Variants in CCSER1 observed in about 807,000 individuals in gnomAD.
CCSER1 encodes coiled-coil serine rich protein 1.
In CCSER1, 41 loss-of-function variants were observed where a neutral mutation model predicts 82.0. The ratio of observed to expected loss-of-function variants is 0.50; its 90% CI spans 0.39 to 0.65. The LOEUF (loss-of-function observed/expected upper bound fraction) is 0.65. Among genes scored for constraint, CCSER1 ranks in the 30% least tolerant of loss-of-function variants. The probability of loss-of-function intolerance (pLI) is 0.00; values close to 1 mark genes in which losing one functional copy is unlikely to be tolerated. For synonymous variants in CCSER1, 414 were observed against 383.9 expected, an observed-to-expected ratio of 1.08 and a Z score of -0.92; for missense variants, 1,119 against 1,064.2, an observed-to-expected ratio of 1.05 and a Z score of -0.72.
At chr4:91,500,790 T>C (rs548553764) in intron 10 of CCSER1, among the ~76,000 whole-genome samples, 1 of 152,106 alleles carries the variant, frequency 6.6e-6, no homozygotes, top group South Asian at 2.1e-4. Flanking sequence ...AAAAGCTTTT[T>C]GGGAAACAGG....
chr4:90,990,553 T>A (rs964798015), intron 9 of CCSER1, among the ~76,000 whole-genome samples: 15 of 151,910 alleles, frequency 9.9e-5, no homozygotes, highest in Non-Finnish European at 1.5e-5. Context: ...CAGTGAATAT[T>A]TGTCAGGGAG....
intron 8 of CCSER1, among the ~76,000 whole-genome samples, chr4:90,887,933 A>G (rs895833229): frequency 6.6e-6 from 1 of 151,234 alleles, no homozygotes; most frequent in African/African-American, 2.4e-5. Flanking sequence ...AGAAATCAAC[A>G]ATGACAGAGA....
chr4:90,550,343 A>G (rs1256507367), intron 5 of CCSER1, among the ~76,000 whole-genome samples: 1 of 152,130 alleles, frequency 6.6e-6, no homozygotes, highest in African/African-American at 2.4e-5. Flanking sequence ...AAAATAAATA[A>G]CTTAGGTACT....
At chr4:90,590,102 T>C (rs1782513775) in intron 5 of CCSER1, among the ~76,000 whole-genome samples, 1 of 151,440 alleles carries the variant, frequency 6.6e-6, no homozygotes, top group African/African-American at 2.4e-5. Flanking sequence ...GGAGAAACCC[T>C]GTCTCTACCA....
chr4:90,828,336 A>G (rs185526023), intron 8 of CCSER1, among the ~76,000 whole-genome samples: 5 of 152,324 alleles, frequency 3.3e-5, no homozygotes, highest in African/African-American at 9.6e-5. Flanking sequence ...TGAATGCAAT[A>G]TCTACATACT....
chr4:90,949,374 G>T (rs774942045), intron 9 of CCSER1, among the ~76,000 whole-genome samples: 1 of 151,962 alleles, frequency 6.6e-6, no homozygotes, highest in Admixed American at 6.6e-5. Context: ...TACCTAACTT[G>T]CAAGAATATT....
intron 10 of CCSER1, among the ~76,000 whole-genome samples, chr4:91,307,058 A>T (rs896612709): frequency 1.3e-5 from 2 of 151,970 alleles, no homozygotes; most frequent in Admixed American, 1.3e-4. Flanking sequence ...GTTTTATAAG[A>T]TATCAAAATT....
chr4:91,188,701 T>C (rs1312130646), intron 10 of CCSER1, among the ~76,000 whole-genome samples: 2 of 152,188 alleles, frequency 1.3e-5, no homozygotes, highest in African/African-American at 2.4e-5. Flanking sequence ...GGAAATACTC[T>C]AAAAATATTA....
chr4:91,087,812 G>A (rs1319747034), intron 10 of CCSER1, among the ~76,000 whole-genome samples: 1 of 151,990 alleles, frequency 6.6e-6, no homozygotes, highest in Non-Finnish European at 1.5e-5. Context: ...GGCAGCACTG[G>A]GTTACTTAAG....
intron 1 of CCSER1, among the ~76,000 whole-genome samples, chr4:90,296,034 A>G (rs547400643): frequency 1.1e-4 from 17 of 152,070 alleles, no homozygotes; most frequent in Non-Finnish European, 2.2e-4. Flanking sequence ...TTACTAATAA[A>G]CATATATTTT....
intron 5 of CCSER1, among the ~76,000 whole-genome samples, chr4:90,486,817 CA>C (rs1447854519): frequency 1.3e-5 from 2 of 152,158 alleles, no homozygotes; most frequent in Admixed American, 6.5e-5. Context: ...TGGAAGACTG[CA>C]TGTATTGAAG....
intron 6 of CCSER1, among the ~76,000 whole-genome samples, chr4:90,651,792 A>C (rs1728801599): frequency 6.6e-6 from 1 of 152,134 alleles, no homozygotes; most frequent in African/African-American, 2.4e-5. Flanking sequence ...TTCCAAGACA[A>C]GTTTTGGCAG....
At chr4:91,498,188 C>G (rs1759026786) in intron 10 of CCSER1, among the ~76,000 whole-genome samples, 1 of 151,946 alleles carries the variant, frequency 6.6e-6, no homozygotes, top group African/African-American at 2.4e-5. Context: ...AAATCCATTT[C>G]TGCTGCAAAA....
chr4:91,442,300 C>T lies in CCSER1; in HGVS notation c.2218-156272C>T, dbSNP rs377016804. On this transcript the variant is annotated intron_variant, in intron 10 of 10. Transcript: ENST00000509176. Reference sequence around the variant, plus strand: ...TATAGATCAATGGAACAGAACAGAGCCCTCAGAAATAATGCCGCATATCTA... The same window carrying T: ...TATAGATCAATGGAACAGAACAGAGTCCTCAGAAATAATGCCGCATATCTA... 2.1e-3 allele frequency among the ~76,000 whole-genome samples: 317 copies of T among 152,102 alleles called. 8 individuals carry two copies. In the East Asian group the frequency reaches 0.04, roughly 19 times the overall value.
chr4:90,536,614 G>A (rs1468933866), intron 5 of CCSER1, among the ~76,000 whole-genome samples: 1 of 152,182 alleles, frequency 6.6e-6, no homozygotes, highest in African/African-American at 2.4e-5. Context: ...TCTAAATGAG[G>A]AGAAAGCTAT....
At chr4:91,283,553 A>G (rs571560838) in intron 10 of CCSER1, among the ~76,000 whole-genome samples, 2 of 152,090 alleles carry the variant, frequency 1.3e-5, no homozygotes, top group South Asian at 2.1e-4. Flanking sequence ...GTCAAATTTA[A>G]ATGTTCCCAT....
chr4:91,000,686 C>T (rs565065919), intron 9 of CCSER1, among the ~76,000 whole-genome samples: 1 of 152,070 alleles, frequency 6.6e-6, no homozygotes, highest in South Asian at 2.1e-4. Flanking sequence ...TTTTTTGTAG[C>T]ATTTGTAAAT....
intron 1 of CCSER1, among the ~76,000 whole-genome samples, chr4:90,237,601 A>G (rs900922518): frequency 2.0e-5 from 3 of 152,192 alleles, no homozygotes; most frequent in African/African-American, 7.2e-5. Context: ...CAAAATAACA[A>G]TTTGGGAAAT....
rs151056320 is a variant in CCSER1 at position 90,364,987 on chromosome 4, A to G, written c.1510-35049A>G. Among the ~76,000 whole-genome samples the G allele has an allele frequency of 8.0e-3, 1,222 of 152,056 alleles. 13 individuals are homozygous for G. Among genetic ancestry groups the G allele is most frequent in the African/African-American group, 0.028 (1,183 of 41,548 alleles). On this transcript the variant is annotated intron_variant, in intron 3 of 10. Coordinates refer to ENST00000509176, the MANE Select transcript of CCSER1 (RefSeq NM_001145065.2). ...ATGATAGCTATTTTTAAGAAACACC[A>G]TCAGTATGGAACTTTGAAGGCCTAA...
Sources: allele counts gnomAD v4.1 joint callset (sites outside exome capture counted in the v4.1 genomes callset), GRCh38; gene constraint gnomAD v4.1.1; transcripts MANE v1.5; gene names NCBI Gene and HGNC (gene_info 2026-07-23, HGNC 2026-07-21).